The following DIS3L2 variants were observed in gnomAD, a reference collection of about 807,000 sequenced individuals.
DIS3L2 encodes DIS3-like exonuclease 2.
In DIS3L2, 34 loss-of-function variants were observed where a neutral mutation model predicts 97.5. That is an observed-to-expected ratio of 0.35 (90% CI 0.27 to 0.46). The LOEUF is 0.46. DIS3L2 is among the 20% of genes least tolerant of loss of function. The probability of loss-of-function intolerance (pLI) is 1.00; values close to 1 mark genes in which losing one functional copy is unlikely to be tolerated. For synonymous variants in DIS3L2, 435 were observed against 445.2 expected (o/e 0.98, Z 0.29); for missense variants, 1,038 against 1,146.0 (o/e 0.91, Z 1.36).
chr2:232,164,527 A>T (rs776169813), intron 9 of DIS3L2, among the ~76,000 whole-genome samples: 1 of 152,200 alleles, frequency 6.6e-6, no homozygotes, highest in African/African-American at 2.4e-5. Context: ...TGCTCGCTTC[A>T]TGCAGCTGAA....
At chr2:232,119,513 G>A (rs1189244110) in intron 6 of DIS3L2, among the ~76,000 whole-genome samples, 1 of 152,174 alleles carries the variant, frequency 6.6e-6, no homozygotes, top group Non-Finnish European at 1.5e-5. Context: ...AGCTAGAGAT[G>A]GAAGCATATA....
At chr2:231,971,948 A>G (rs903355605) in intron 1 of DIS3L2, among the ~76,000 whole-genome samples, 3 of 148,814 alleles carry the variant, frequency 2.0e-5, no homozygotes, top group African/African-American at 4.9e-5. Flanking sequence ...GCACTTTGGG[A>G]GGCCGAGGCG....
chr2:232,090,271 G>C (rs572074342), intron 6 of DIS3L2, among the ~76,000 whole-genome samples: 1 of 151,990 alleles, frequency 6.6e-6, no homozygotes, highest in African/African-American at 2.4e-5. Flanking sequence ...CACTGAGTAC[G>C]TTACAAGCCC....
chr2:232,341,559 A>T (rs762349708), downstream of DIS3L2, among the ~76,000 whole-genome samples: 2 of 152,206 alleles, frequency 1.3e-5, no homozygotes, highest in Non-Finnish European at 2.9e-5. Context: ...CCGAGTCAGG[A>T]TCTAGTTTAC....
intron 5 of DIS3L2, among the ~76,000 whole-genome samples, chr2:232,062,672 A>G (rs972869764): frequency 6.6e-6 from 1 of 151,950 alleles, no homozygotes; most frequent in African/African-American, 2.4e-5. Context: ...AAGACTCCCT[A>G]GTTCCTTTTA....
At chr2:232,236,273 G>A (rs1265609693) in intron 10 of DIS3L2, among the ~76,000 whole-genome samples, 1 of 152,164 alleles carries the variant, frequency 6.6e-6, no homozygotes, top group African/African-American at 2.4e-5. Context: ...TAGCTACACA[G>A]TTTGCAGATA....
chr2:231,970,895 T>C (rs1237011397), intron 1 of DIS3L2, among the ~76,000 whole-genome samples: 3 of 152,222 alleles, frequency 2.0e-5, no homozygotes, highest in African/African-American at 7.2e-5. Flanking sequence ...AAAAATACTC[T>C]ATGTCCTTAT....
intron 9 of DIS3L2, among the ~76,000 whole-genome samples, chr2:232,184,605 G>A (rs1023792136): frequency 2.0e-5 from 3 of 152,130 alleles, no homozygotes; most frequent in South Asian, 2.1e-4. Flanking sequence ...AGCTGTGATC[G>A]CGCCACTGCA....
intron 9 of DIS3L2, among the ~76,000 whole-genome samples, chr2:232,207,423 C>G (rs1005920384): frequency 2.0e-5 from 3 of 152,226 alleles, no homozygotes; most frequent in African/African-American, 7.2e-5. Flanking sequence ...GGTGCAGCCT[C>G]TGTTCAAGGC....
At position 232,136,536 on chromosome 2, in the gene DIS3L2, A is replaced by G. The variant is rs781224944; in HGVS notation, c.767A>G (p.Asp256Gly). Residue 256 changes from aspartate to glycine, a missense_variant, in exon 8 of 21, where the codon GAT becomes GGT. By Grantham distance (94) the Asp-to-Gly change is moderately conservative. Around this residue, in one of 3 missense-constraint regions of DIS3L2, gnomAD observed 813 missense variants for 880.1 expected, o/e 0.92. Coordinates refer to ENST00000325385, the MANE Select transcript of DIS3L2 (RefSeq NM_152383.5). Reference protein sequence around the residue: ...AATGFLKLLADKNSELFRKYA... With the variant: ...AATGFLKLLAGKNSELFRKYA... ...ACCGGCTTCCTCAAACTCTTGGCTGATAAGAACAGCGAACTGTTTAGGAAA... is the reference window on the plus strand; with the variant it reads ...ACCGGCTTCCTCAAACTCTTGGCTGGTAAGAACAGCGAACTGTTTAGGAAA... 5 of 1,614,082 alleles carry G rather than the reference A, an allele frequency of 3.1e-6. No homozygotes were observed. The highest frequency in any genetic ancestry group is 2.5e-6 in the Non-Finnish European group (3 of 1,179,966).
chr2:232,238,864 C>T (rs1017200524), intron 11 of DIS3L2, among the ~76,000 whole-genome samples: 2 of 152,138 alleles, frequency 1.3e-5, no homozygotes, highest in African/African-American at 2.4e-5. Context: ...TGCTTTCAAA[C>T]GATTGTTCTA....
intron 1 of DIS3L2, among the ~76,000 whole-genome samples, chr2:232,009,669 C>G (rs1438227569): frequency 7.9e-5 from 12 of 152,112 alleles, no homozygotes; most frequent in Admixed American, 6.5e-4. Flanking sequence ...TTTGCAAGGC[C>G]TCATCTTTTT....
intron 5 of DIS3L2, among the ~76,000 whole-genome samples, chr2:232,059,206 T>A (rs1278779032): frequency 2.0e-5 from 3 of 152,346 alleles, no homozygotes; most frequent in African/African-American, 7.2e-5. Context: ...TGTAAGGTTA[T>A]ATGGCAGAAC....
chr2:232,271,561 G>T (rs1694009029), intron 13 of DIS3L2, among the ~76,000 whole-genome samples: 1 of 152,074 alleles, frequency 6.6e-6, no homozygotes, highest in Non-Finnish European at 1.5e-5. Flanking sequence ...AGTCAGCGAG[G>T]CTTGAAGAAT....
At position 232,326,670 on chromosome 2, in the gene DIS3L2, C is replaced by G. The variant is rs72495196; in HGVS notation, c.1740-3143C>G. Among the ~76,000 whole-genome samples, 155 of 147,540 alleles carry G rather than the reference C, an allele frequency of 1.1e-3. 3 individuals carry two copies. The East Asian group carries it at 0.028, about 27-fold the overall frequency. On this transcript the variant is annotated intron_variant, in intron 14 of 20. Coordinates refer to ENST00000325385, the MANE Select transcript of DIS3L2 (RefSeq NM_152383.5). ...TAGCTCCCTCCTCAGTGCCCTTGAC[C>G]TTTGTCTGGGTCCCTGCTTAATGTG...
At chr2:231,989,705 A>G (rs752727122) in intron 1 of DIS3L2, among the ~76,000 whole-genome samples, 2 of 152,184 alleles carry the variant, frequency 1.3e-5, no homozygotes, top group Non-Finnish European at 2.9e-5. Context: ...GTGTGGTGGT[A>G]TACGCCTATA....
intron 9 of DIS3L2, among the ~76,000 whole-genome samples, chr2:232,176,653 A>G (rs1013294313): frequency 2.6e-5 from 4 of 151,604 alleles, no homozygotes; most frequent in African/African-American, 7.3e-5. Context: ...CAGTTGTGCA[A>G]TCTTGGCTCA....
intron 3 of DIS3L2, among the ~76,000 whole-genome samples, chr2:232,017,672 T>C (rs976520876): frequency 6.6e-6 from 1 of 152,188 alleles, no homozygotes; most frequent in Non-Finnish European, 1.5e-5. Flanking sequence ...CTTCCAGTCT[T>C]TTCCTCTAAA....
intron 1 of DIS3L2, among the ~76,000 whole-genome samples, chr2:231,995,979 C>T (rs985246291): frequency 6.6e-5 from 10 of 152,282 alleles, no homozygotes; most frequent in Non-Finnish European, 7.4e-5. Context: ...GCTGTGGTAG[C>T]GACACTTGTC....
Sources: gnomAD v4.1 joint callset for allele counts (sites outside exome capture counted in the v4.1 genomes callset) on GRCh38, gnomAD v4.1.1 for gene constraint, gnomAD v4.1.1 regional missense constraint, MANE v1.5 for transcripts, NCBI Gene and HGNC (gene_info 2026-07-23, HGNC 2026-07-21) for gene names.